The following PCED1B variants were observed in gnomAD, a reference collection of about 807,000 sequenced individuals.
PCED1B encodes the protein PC-esterase domain containing 1B.
For synonymous variants in PCED1B, 251 were observed against 246.1 expected, an observed-to-expected ratio of 1.02 and a Z score of -0.19; for missense variants, 573 against 573.9, an observed-to-expected ratio of 1.00 and a Z score of 0.02.
At chr12:47,215,859 A>G (rs986042427) in intron 2 of PCED1B, among the ~76,000 whole-genome samples, 1 of 135,606 alleles carries the variant, frequency 7.4e-6, no homozygotes, top group African/African-American at 2.9e-5. Flanking sequence ...GTTCGAGACC[A>G]GACTGGCCAA....
intron 2 of PCED1B, among the ~76,000 whole-genome samples, chr12:47,156,114 C>T (rs1941184181): frequency 6.6e-6 from 1 of 152,198 alleles, no homozygotes; most frequent in Non-Finnish European, 1.5e-5. Flanking sequence ...AAAGCACATG[C>T]ATAATTTCTA....
intron 2 of PCED1B, among the ~76,000 whole-genome samples, chr12:47,128,784 A>G (rs1456979312): frequency 1.3e-5 from 2 of 152,272 alleles, no homozygotes; most frequent in South Asian, 2.1e-4. Flanking sequence ...AGCTGGCTTT[A>G]CATGATATCT....
At chr12:47,180,684 T>A (rs539840311) in intron 2 of PCED1B, among the ~76,000 whole-genome samples, 1 of 152,148 alleles carries the variant, frequency 6.6e-6, no homozygotes, top group Non-Finnish European at 1.5e-5. Flanking sequence ...GAGAACATTT[T>A]TGCAATCTAC....
intron 2 of PCED1B, among the ~76,000 whole-genome samples, chr12:47,160,216 T>C (rs923537242): frequency 6.6e-6 from 1 of 152,064 alleles, no homozygotes; most frequent in African/African-American, 2.4e-5. Context: ...TTTTTAAATG[T>C]TCATGAAGTC....
At chr12:47,151,049 C>T (rs111444505) in intron 2 of PCED1B, among the ~76,000 whole-genome samples, 8 of 151,864 alleles carry the variant, frequency 5.3e-5, no homozygotes, top group Admixed American at 4.6e-4. Context: ...AGTATTTTGA[C>T]TGTATACTGT....
At chr12:47,150,933 AT>A (rs1313121963) in intron 2 of PCED1B, among the ~76,000 whole-genome samples, 1 of 152,182 alleles carries the variant, frequency 6.6e-6, no homozygotes, top group East Asian at 1.9e-4. Context: ...ATAGGACTTA[AT>A]TTTTTAAATT....
At chr12:47,233,300 C>T (rs1229545414) in intron 3 of PCED1B, among the ~76,000 whole-genome samples, 4 of 152,142 alleles carry the variant, frequency 2.6e-5, no homozygotes, top group African/African-American at 9.7e-5. Context: ...CGCCACCACG[C>T]CCGGCTAATT....
intron 3 of PCED1B, among the ~76,000 whole-genome samples, chr12:47,216,897 T>G (rs977647083): frequency 2.0e-5 from 3 of 152,152 alleles, no homozygotes; most frequent in African/African-American, 4.8e-5. Flanking sequence ...TGTAAATTTA[T>G]TAAAATGGAC....
intron 2 of PCED1B, among the ~76,000 whole-genome samples, chr12:47,129,602 T>A (rs1592176209): frequency 6.6e-6 from 1 of 151,610 alleles, no homozygotes; most frequent in Admixed American, 6.6e-5. Context: ...AAAAAAAAAT[T>A]TTTTTAAAGA....
chr12:47,181,538 T>C (rs1942096787), intron 2 of PCED1B, among the ~76,000 whole-genome samples: 1 of 151,998 alleles, frequency 6.6e-6, no homozygotes, highest in African/African-American at 2.4e-5. Context: ...TAATTTTCTT[T>C]TTATTTTTAG....
At chr12:47,193,414 T>G (rs1380853674) in intron 2 of PCED1B, among the ~76,000 whole-genome samples, 1 of 151,960 alleles carries the variant, frequency 6.6e-6, no homozygotes, top group East Asian at 1.9e-4. Context: ...CCTGCCCCCT[T>G]CCCCCTTTCC....
chr12:47,094,060 A>AT (rs903096355), intron 1 of PCED1B, among the ~76,000 whole-genome samples: 2 of 151,776 alleles, frequency 1.3e-5, no homozygotes, highest in Admixed American at 1.3e-4. Flanking sequence ...TGATTTGTAC[A>AT]TTTTTTTCTC....
chr12:47,128,720 C>T (rs1939999007), intron 2 of PCED1B, among the ~76,000 whole-genome samples: 1 of 152,202 alleles, frequency 6.6e-6, no homozygotes, highest in Admixed American at 6.5e-5. Context: ...GGAAGAGGAA[C>T]TGTCATGCAT....
At chr12:47,218,480 A>G (rs1016444154) in intron 3 of PCED1B, among the ~76,000 whole-genome samples, 4 of 152,072 alleles carry the variant, frequency 2.6e-5, no homozygotes, top group African/African-American at 9.7e-5. Context: ...TCTACAACAT[A>G]GTGTGAGTAA....
intron 2 of PCED1B, among the ~76,000 whole-genome samples, chr12:47,145,441 G>A (rs1940749024): frequency 6.6e-6 from 1 of 152,208 alleles, no homozygotes; most frequent in Non-Finnish European, 1.5e-5. Flanking sequence ...GATTTTCAGT[G>A]TAGACAAAAC....
intron 2 of PCED1B, among the ~76,000 whole-genome samples, chr12:47,165,956 C>A (rs1310860010): frequency 6.6e-6 from 1 of 152,096 alleles, no homozygotes; most frequent in Non-Finnish European, 1.5e-5. Flanking sequence ...TTTCTTTAGG[C>A]TACATCTGAG....
At chr12:47,131,506 G>A (rs934192668) in intron 2 of PCED1B, among the ~76,000 whole-genome samples, 5 of 152,132 alleles carry the variant, frequency 3.3e-5, no homozygotes, top group Admixed American at 6.5e-5. Flanking sequence ...ATCAGTAGTG[G>A]CTGGAATTGT....
At chr12:47,212,533 C>T (rs1458244949) in intron 2 of PCED1B, among the ~76,000 whole-genome samples, 1 of 152,176 alleles carries the variant, frequency 6.6e-6, no homozygotes, top group Admixed American at 6.5e-5. Flanking sequence ...GACAGTTGCT[C>T]AATCTCCCCG....
intron 2 of PCED1B, among the ~76,000 whole-genome samples, chr12:47,127,003 G>A (rs886434267): frequency 1.3e-5 from 2 of 151,890 alleles, no homozygotes; most frequent in Non-Finnish European, 2.9e-5. Flanking sequence ...TCTGTTTCAC[G>A]CATACTCACT....
Sources: allele counts gnomAD v4.1 joint callset (sites outside exome capture counted in the v4.1 genomes callset), GRCh38; gene constraint gnomAD v4.1.1; transcripts MANE v1.5; gene names NCBI Gene and HGNC (gene_info 2026-07-23, HGNC 2026-07-21).